The following RUNX2 variants were observed in gnomAD, a reference collection of about 807,000 sequenced individuals.
RUNX2 encodes the protein runt-related transcription factor 2.
RUNX2 carries 10 observed loss-of-function variants against 51.7 expected under a neutral mutation model. The observed-to-expected ratio is 0.19, with a 90% confidence interval of 0.12 to 0.33. RUNX2 has a LOEUF of 0.33. Among genes scored for constraint, RUNX2 ranks in the 10% least tolerant of loss-of-function variants. The pLI is 1.00. For synonymous variants in RUNX2, 276 were observed against 273.6 expected (o/e 1.01, Z -0.09); for missense variants, 562 against 691.3 (o/e 0.81, Z 2.10).
intron 5 of RUNX2, among the ~76,000 whole-genome samples, chr6:45,446,060 G>T (rs777636177): frequency 2.6e-5 from 4 of 152,100 alleles, no homozygotes; most frequent in Non-Finnish European, 4.4e-5. Context: ...TCCTTCGCTC[G>T]CAGACTGCAT....
chr6:45,360,345 C>T (rs937852654), intron 2 of RUNX2, among the ~76,000 whole-genome samples: 9 of 152,142 alleles, frequency 5.9e-5, no homozygotes, highest in Non-Finnish European at 1.2e-4. Context: ...ATGTTCTATA[C>T]AAGCATTCAT....
chr6:45,385,263 G>A (rs979961097), intron 2 of RUNX2, among the ~76,000 whole-genome samples: 3 of 152,096 alleles, frequency 2.0e-5, no homozygotes, highest in Admixed American at 6.5e-5. Context: ...TTAACCTCTC[G>A]GTTAGGATTG....
intron 7 of RUNX2, among the ~76,000 whole-genome samples, chr6:45,527,646 A>G (rs867872443): frequency 6.6e-5 from 10 of 152,254 alleles, no homozygotes; most frequent in African/African-American, 2.4e-4. Context: ...GTGGTAATTC[A>G]GGAGTTACTT....
intron 6 of RUNX2, among the ~76,000 whole-genome samples, chr6:45,497,727 A>T (rs1800687334): frequency 6.6e-6 from 1 of 152,088 alleles, no homozygotes; most frequent in African/African-American, 2.4e-5. Flanking sequence ...CCTCCATCAG[A>T]CTTTGGACTT....
chr6:45,480,216 C>T (rs1239550336), intron 5 of RUNX2, among the ~76,000 whole-genome samples: 2 of 152,250 alleles, frequency 1.3e-5, no homozygotes, highest in African/African-American at 2.4e-5. Context: ...CATTGGAAAG[C>T]GGTGCTGATA....
At chr6:45,410,890 A>G (rs1254633220) in intron 2 of RUNX2, among the ~76,000 whole-genome samples, 1 of 152,210 alleles carries the variant, frequency 6.6e-6, no homozygotes, top group Non-Finnish European at 1.5e-5. Flanking sequence ...ACCACTGGAC[A>G]TGTTAGTCTA....
chr6:45,520,011 T>C (rs570201088), intron 7 of RUNX2, among the ~76,000 whole-genome samples: 1 of 152,108 alleles, frequency 6.6e-6, no homozygotes, highest in South Asian at 2.1e-4. Flanking sequence ...TTTGTATTTT[T>C]AGTAGTGATG....
At chr6:45,525,824 G>A (rs372297489) in intron 7 of RUNX2, among the ~76,000 whole-genome samples, 3 of 151,914 alleles carry the variant, frequency 2.0e-5, no homozygotes, top group African/African-American at 4.8e-5. Flanking sequence ...GCGAAACCCC[G>A]TCTCTACAGA....
intron 7 of RUNX2, among the ~76,000 whole-genome samples, chr6:45,523,722 C>A (rs1801579153): frequency 6.6e-6 from 1 of 151,864 alleles, no homozygotes; most frequent in Non-Finnish European, 1.5e-5. Flanking sequence ...ATCACGAGGT[C>A]AGGAGATAGA....
At chr6:45,534,779 T>C (rs1563128394) in intron 7 of RUNX2, among the ~76,000 whole-genome samples, 2 of 152,258 alleles carry the variant, frequency 1.3e-5, no homozygotes, top group Non-Finnish European at 2.9e-5. Flanking sequence ...AATCTGCTAT[T>C]GCCATCATTT....
intron 5 of RUNX2, among the ~76,000 whole-genome samples, chr6:45,471,601 C>T (rs944994856): frequency 1.3e-5 from 2 of 151,984 alleles, no homozygotes; most frequent in Non-Finnish European, 2.9e-5. Flanking sequence ...CCCACCACCA[C>T]GCCCAGCTAA....
chr6:45,457,064 A>G, intron 5 of RUNX2, among the ~76,000 whole-genome samples: 1 of 152,208 alleles, frequency 6.6e-6, no homozygotes, highest in African/African-American at 2.4e-5. Context: ...CAATTTTTAT[A>G]TGCATTTTTT....
Position 45,548,943 on chromosome 6 carries a change from A to G in RUNX2, c.*1638A>G, listed in dbSNP as rs1319108176. On this transcript the variant is annotated 3_prime_UTR_variant, in exon 9 of 9. Coordinates refer to ENST00000647337, the MANE Select transcript of RUNX2 (RefSeq NM_001024630.4). ...GTCCTCTGAAAAGGCAGCAGGTTCC[A>G]GCAGGTAGCTGAGCTGAGAGGACAT... 5.1e-6 allele frequency: 2 copies of G among 393,688 alleles called. No homozygotes were observed. Among genetic ancestry groups the G allele is most frequent in the Non-Finnish European group, 9.0e-6 (2 of 223,232 alleles). The allele number at this position is 393,688 out of a possible 1,614,324, so 24.4% of individuals were successfully genotyped here. A position where few individuals can be genotyped will look rare whatever the true frequency, so the allele number is the denominator to read the frequency against.
intron 2 of RUNX2, among the ~76,000 whole-genome samples, chr6:45,340,486 G>C (rs1581712677): frequency 1.3e-5 from 2 of 152,022 alleles, no homozygotes; most frequent in South Asian, 2.1e-4. Context: ...ACCACGCCCA[G>C]ATAATTTTGT....
chr6:45,334,449 CAAAAAAAAAAAAA>C (rs551014969), intron 2 of RUNX2, among the ~76,000 whole-genome samples: 1 of 91,760 alleles, frequency 1.1e-5, no homozygotes. Context: ...TCAGGAAAAG[CAAAAAAAAAAAAA>C]AAAAAAAGAC....
intron 6 of RUNX2, among the ~76,000 whole-genome samples, chr6:45,506,974 T>TG (rs1221496856): frequency 1.3e-5 from 2 of 151,940 alleles, no homozygotes; most frequent in African/African-American, 4.8e-5. Context: ...CTTTCCTTTT[T>TG]TTTTTTTTGG....
At chr6:45,386,222 C>T (rs1797345917) in intron 2 of RUNX2, among the ~76,000 whole-genome samples, 1 of 152,046 alleles carries the variant, frequency 6.6e-6, no homozygotes, top group Admixed American at 6.5e-5. Flanking sequence ...CATATGCCAC[C>T]ACGCCTGGCT....
Position 45,496,103 on chromosome 6 carries a change from T to C in RUNX2, c.859+3989T>C, listed in dbSNP as rs371737808. On this transcript the variant is annotated intron_variant, in intron 6 of 8. Coordinates refer to ENST00000647337, the MANE Select transcript of RUNX2 (RefSeq NM_001024630.4). ...GGAAACACCTAGTCTGTCACAAATG[T>C]TCACTTCTTTTGATTCAGAAAGCGG... is the stretch of plus-strand genomic sequence containing the variant. Among the ~76,000 whole-genome samples the C allele has an allele frequency of 3.9e-5, 6 of 152,250 alleles. No individual in the cohort carries two copies. The East Asian group carries it at 1.2e-3, about 29-fold the overall frequency.
intron 2 of RUNX2, among the ~76,000 whole-genome samples, chr6:45,416,242 A>G (rs1394348834): frequency 2.0e-5 from 3 of 152,148 alleles, no homozygotes; most frequent in Non-Finnish European, 2.9e-5. Flanking sequence ...TTACTTTGCT[A>G]GTTTGTAATT....
Sources: allele counts gnomAD v4.1 joint callset (sites outside exome capture counted in the v4.1 genomes callset), GRCh38; gene constraint gnomAD v4.1.1; transcripts MANE v1.5; gene names NCBI Gene and HGNC (gene_info 2026-07-23, HGNC 2026-07-21).